The following CYTH3 variants were observed in gnomAD, a reference collection of about 807,000 sequenced individuals.
CYTH3 encodes the protein cytohesin-3.
CYTH3 carries 23 observed loss-of-function variants against 55.1 expected under a neutral mutation model. The observed-to-expected ratio is 0.42, with a 90% confidence interval of 0.30 to 0.59. The LOEUF (loss-of-function observed/expected upper bound fraction) is 0.59, where lower values mean the gene tolerates loss of function less well. CYTH3 is among the 20% of genes least tolerant of loss of function. The pLI is 0.20. For synonymous variants in CYTH3, 249 were observed against 194.9 expected (o/e 1.28, Z -2.31); for missense variants, 413 against 524.8 (o/e 0.79, Z 2.08).
chr7:6,197,810 G>C (rs986875726), intron 1 of CYTH3, among the ~76,000 whole-genome samples: 3 of 152,110 alleles, frequency 2.0e-5, no homozygotes, highest in Non-Finnish European at 2.9e-5. Context: ...TCACGTATTT[G>C]GCCAGGTGTA....
intron 1 of CYTH3, among the ~76,000 whole-genome samples, chr7:6,246,565 A>T (rs943630201): frequency 6.6e-6 from 1 of 151,506 alleles, no homozygotes. Context: ...ATTATCTTTA[A>T]TTTTTTTTTA....
chr7:6,259,800 T>TATATATA (rs1780283771), intron 1 of CYTH3, among the ~76,000 whole-genome samples: 1 of 25,504 alleles, frequency 3.9e-5, no homozygotes, highest in African/African-American at 4.7e-4. Flanking sequence ...TATATATATA[T>TATATATA]ATATATATAT....
chr7:6,270,010 C>A (rs1023311669), intron 1 of CYTH3, among the ~76,000 whole-genome samples: 6 of 152,142 alleles, frequency 3.9e-5, no homozygotes, highest in African/African-American at 1.4e-4. Context: ...TAAAAATATA[C>A]CAAAAAATGT....
At chr7:6,188,119 G>C (rs1424608598) in intron 2 of CYTH3, among the ~76,000 whole-genome samples, 1 of 152,078 alleles carries the variant, frequency 6.6e-6, no homozygotes, top group Non-Finnish European at 1.5e-5. Flanking sequence ...TTGAGATCAG[G>C]AGTTTGAGAA....
intron 1 of CYTH3, among the ~76,000 whole-genome samples, chr7:6,237,443 C>T (rs560532985): frequency 6.6e-6 from 1 of 152,344 alleles, no homozygotes; most frequent in South Asian, 2.1e-4. Flanking sequence ...GGTGTGGTGG[C>T]TCACACCTGT....
chr7:6,163,722 C>T lies in CYTH3; in HGVS notation c.*1222G>A, dbSNP rs890037280. On this transcript the variant is annotated 3_prime_UTR_variant, in exon 13 of 13. Transcript: ENST00000350796. ...CTCTGCACCCCAGGGCCTGTTCTTC[C>T]CTCCTCGTAGGGAGGGCACCTCTCT... The T allele has an allele frequency of 2.6e-5, 4 of 152,242 alleles. No individual in the cohort carries two copies. The highest frequency in any genetic ancestry group is 7.2e-5 in the African/African-American group (3 of 41,444). The allele number at this position is 152,242 out of a possible 1,614,324, so 9.4% of individuals were successfully genotyped here. A position where few individuals can be genotyped will look rare whatever the true frequency, so the allele number is the denominator to read the frequency against.
At chr7:6,202,457 GT>G (rs34849107) in intron 1 of CYTH3, among the ~76,000 whole-genome samples, 9,506 of 126,518 alleles carry the variant, frequency 0.075, 644 homozygotes, top group African/African-American at 0.23. Flanking sequence ...GCCATTGCTA[GT>G]TTTTTTTTTT....
intron 4 of CYTH3, among the ~76,000 whole-genome samples, chr7:6,185,505 G>C (rs561174371): frequency 6.6e-5 from 10 of 152,050 alleles, no homozygotes; most frequent in Admixed American, 5.2e-4. Flanking sequence ...GACCATCCTA[G>C]CTAACACAGT....
chr7:6,246,883 C>T (rs1209552831), intron 1 of CYTH3, among the ~76,000 whole-genome samples: 1 of 152,122 alleles, frequency 6.6e-6, no homozygotes, highest in Non-Finnish European at 1.5e-5. Flanking sequence ...AATTCAATGT[C>T]AGTATTTTTT....
At chr7:6,227,037 G>A (rs995494898) in intron 1 of CYTH3, among the ~76,000 whole-genome samples, 12 of 148,428 alleles carry the variant, frequency 8.1e-5, no homozygotes, top group Non-Finnish European at 1.5e-4. Context: ...CTGAGATCGC[G>A]CCACTGCACT....
intron 6 of CYTH3, among the ~76,000 whole-genome samples, chr7:6,172,558 G>A (rs1193043501): frequency 2.0e-5 from 3 of 152,214 alleles, no homozygotes; most frequent in African/African-American, 7.2e-5. Context: ...CACAGGACCT[G>A]CCTGTATTCC....
intron 1 of CYTH3, among the ~76,000 whole-genome samples, chr7:6,192,199 G>T (rs888336079): frequency 6.6e-6 from 1 of 152,142 alleles, no homozygotes; most frequent in Non-Finnish European, 1.5e-5. Flanking sequence ...TTCAAAATAT[G>T]TAACTCCTAC....
In CYTH3 at chr7:6,272,475, G is replaced by T. The variant is rs765594361; in HGVS notation, c.33C>A (p.Gly11=). MDEDGGGEGG[G]VPEDLSLEER... ...GCCCACCACACCTCCGACACTCACCGCCACCACCCTCGCCGCCGCCGTCTT... is the reference window on the plus strand; with the variant it reads ...GCCCACCACACCTCCGACACTCACCTCCACCACCCTCGCCGCCGCCGTCTT... The change falls in exon 1 of 13, where the codon GGC becomes GGA. Residue 11 remains glycine (G), a splice_region_variant and synonymous_variant. Transcript: ENST00000350796. 1 of 1,334,114 alleles carries T rather than the reference G, an allele frequency of 7.5e-7. No homozygotes were observed. Among genetic ancestry groups the T allele is most frequent in the Non-Finnish European group, 9.7e-7 (1 of 1,031,474 alleles). The allele number at this position is 1,334,114 out of a possible 1,614,324, so 82.6% of individuals were successfully genotyped here.
chr7:6,254,238 G>A (rs1000586436), intron 1 of CYTH3, among the ~76,000 whole-genome samples: 1 of 151,452 alleles, frequency 6.6e-6, no homozygotes, highest in African/African-American at 2.4e-5. Context: ...CTAAATAGAA[G>A]GTGTAAATCT....
chr7:6,205,162 CA>C (rs1434045940), intron 1 of CYTH3, among the ~76,000 whole-genome samples: 1 of 151,870 alleles, frequency 6.6e-6, no homozygotes, highest in Non-Finnish European at 1.5e-5. Context: ...AATACTCTCT[CA>C]AAAAAGCAAA....
intron 1 of CYTH3, among the ~76,000 whole-genome samples, chr7:6,226,907 C>T (rs974195305): frequency 2.6e-5 from 4 of 151,972 alleles, no homozygotes; most frequent in Non-Finnish European, 4.4e-5. Context: ...GGTGAAACCC[C>T]GTCTCTACTA....
chr7:6,237,388 C>T (rs952788723), intron 1 of CYTH3, among the ~76,000 whole-genome samples: 58 of 152,194 alleles, frequency 3.8e-4, no homozygotes, highest in African/African-American at 1.4e-3. Flanking sequence ...GAAGCACCCA[C>T]CTTTTCCCAT....
At chr7:6,267,519 G>A (rs1471262711) in intron 1 of CYTH3, among the ~76,000 whole-genome samples, 1 of 151,984 alleles carries the variant, frequency 6.6e-6, no homozygotes, top group Non-Finnish European at 1.5e-5. Flanking sequence ...TTTTTGTTGC[G>A]GTCTTCCCAG....
chr7:6,168,625 C>T (rs1783081363), intron 9 of CYTH3, among the ~76,000 whole-genome samples: 1 of 152,364 alleles, frequency 6.6e-6, no homozygotes, highest in South Asian at 2.1e-4. Flanking sequence ...GGACCAGCCC[C>T]TCCAGGGCCC....
Sources: allele counts gnomAD v4.1 joint callset (sites outside exome capture counted in the v4.1 genomes callset), GRCh38; gene constraint gnomAD v4.1.1; transcripts MANE v1.5; gene names NCBI Gene and HGNC (gene_info 2026-07-23, HGNC 2026-07-21).